PCK2: variants seen among roughly 807,000 people sequenced by gnomAD.
PCK2 encodes phosphoenolpyruvate carboxykinase 2, mitochondrial, also known as phosphoenolpyruvate carboxykinase [GTP], mitochondrial.
In PCK2, 56 loss-of-function variants were observed where a neutral mutation model predicts 65.9. The ratio of observed to expected loss-of-function variants is 0.85; its 90% CI spans 0.69 to 1.06. The LOEUF (loss-of-function observed/expected upper bound fraction) is 1.06, where lower values mean the gene tolerates loss of function less well. Ranked by LOEUF, PCK2 falls within the 50% of genes least tolerant of loss-of-function variation. PCK2 has a pLI of 0.00. For missense variants in PCK2, 843 were observed against 863.1 expected, an observed-to-expected ratio of 0.98 and a Z score of 0.29; for synonymous variants, 305 against 319.6, an observed-to-expected ratio of 0.95 and a Z score of 0.49.
In PCK2 at chr14:24,099,037, C is replaced by T; in HGVS notation, c.665-12C>T. 6.3e-7 allele frequency: 1 copy of T among 1,591,322 alleles called. No individual in the cohort carries two copies. The highest frequency in any genetic ancestry group is 8.6e-7 in the Non-Finnish European group (1 of 1,163,382). ...GCTGCTGCCAGCAGCCCCATGACCC[C>T]ATTGTCCCCAGGGGAGCCAGTGAGC... On this transcript the variant is annotated splice_polypyrimidine_tract_variant and intron_variant, in intron 4 of 9. Coordinates refer to ENST00000216780, the MANE Select transcript of PCK2 (RefSeq NM_004563.4).
chr14:24,096,832 C>G, intron 1 of PCK2, 60 bp from the exon 2 acceptor site: 1 of 1,504,132 alleles, frequency 6.6e-7, no homozygotes, highest in Non-Finnish European at 9.1e-7. Context: ...GTCTCTCCAC[C>G]ACCTGCCTTG....
chr14:24,095,259 G>A (rs1481635157), intron 1 of PCK2: 5 of 455,286 alleles, frequency 1.1e-5, no homozygotes, highest in Non-Finnish European at 1.8e-5. Flanking sequence ...AAGAGGGTGT[G>A]GGGGCTTCAC....
chr14:24,096,808 A>C (rs2036904984), intron 1 of PCK2, 84 bp from the exon 2 acceptor site: 1 of 1,235,748 alleles, frequency 8.1e-7, no homozygotes, highest in Non-Finnish European at 1.2e-6. Flanking sequence ...AGCAGGCTGC[A>C]GCCCAAGCTT....
chr14:24,103,570 A>T lies in PCK2; in HGVS notation c.1529A>T (p.His510Leu). 6.3e-7 allele frequency: 1 copy of T among 1,586,206 alleles called. No individual in the cohort carries two copies. Among genetic ancestry groups the T allele is most frequent in the Admixed American group, 1.8e-5 (1 of 56,874 alleles). ...CCCTTTTTTGGCTACAACTTCGGGC[A>T]CTACCTGGAACACTGGCTGAGCATG... ...MRPFFGYNFG[H>L]YLEHWLSMEG... is the part of the protein sequence containing the mutation. Residue 510 changes from histidine (H) to leucine (L), a missense_variant, in exon 10 of 10, where the codon CAC becomes CTC. Coordinates refer to ENST00000216780, the MANE Select transcript of PCK2 (RefSeq NM_004563.4).
chr14:24,095,579 T>C (rs889710699), intron 1 of PCK2, among the ~76,000 whole-genome samples: 2 of 151,472 alleles, frequency 1.3e-5, no homozygotes, highest in African/African-American at 4.9e-5. Flanking sequence ...ACACCAAAGC[T>C]CTCTAGGCAT....
In PCK2 at chr14:24,103,814, C is replaced by A. The variant is rs367870843; in HGVS notation, c.1773C>A (p.Asp591Glu). ...ALDLSGLRAI[D>E]TTQLFSLPKD... The stretch of plus-strand genomic sequence containing the variant: ...ATCTCAGCGGCCTCAGAGCTATAGA[C>A]ACCACTCAGCTGTTCTCCCTCCCCA... The change falls in exon 10 of 10, where the codon GAC becomes GAA. Residue 591 changes from aspartate to glutamate, a missense_variant. Physicochemically the swap from Asp to Glu is conservative, Grantham distance 45 (BLOSUM62 2). Coordinates refer to ENST00000216780, the MANE Select transcript of PCK2 (RefSeq NM_004563.4). The A allele has an allele frequency of 6.2e-7, 1 of 1,614,026 alleles. No individual in the cohort carries two copies. The highest frequency in any genetic ancestry group is 8.5e-7 in the Non-Finnish European group (1 of 1,180,034).
In PCK2 at chr14:24,097,108, C is replaced by T. The variant is rs773350726; in HGVS notation, c.246C>T (p.Leu82=). ...TGACCCTGCTGGAGCAGCAGGGCCT[C>T]ATCCGAAAGCTCCCCAAGTACAATA... ...ATLTLLEQQG[L]IRKLPKYNNC... The change falls in exon 2 of 10, where the codon CTC becomes CTT. Residue 82 remains leucine (L), a synonymous_variant. Transcript: ENST00000216780. The T allele has an allele frequency of 1.2e-6, 2 of 1,613,896 alleles. No homozygotes were observed. The highest frequency in any genetic ancestry group is 1.7e-6 in the Non-Finnish European group (2 of 1,179,884).
Position 24,100,267 on chromosome 14 carries a change from G to A in PCK2, c.1234+54G>A, listed in dbSNP as rs199562600. ...GCCTCCAGGCCTCAGCACCTTAATG[G>A]TGGAAAAGCTTTCTCCACAACCTCC... On this transcript the variant is annotated intron_variant, in intron 7 of 9. Coordinates refer to ENST00000216780, the MANE Select transcript of PCK2 (RefSeq NM_004563.4). 9.9e-4 allele frequency: 1,571 copies of A among 1,594,648 alleles called. 21 individuals are homozygous for A. The highest frequency in any genetic ancestry group is 2.7e-3 in the Middle Eastern group (16 of 5,954).
In PCK2 at chr14:24,094,744, C is replaced by T; in HGVS notation, c.29+310C>T. 6.8e-7 allele frequency: 1 copy of T among 1,473,870 alleles called. No individual in the cohort carries two copies. The highest frequency in any genetic ancestry group is 1.2e-5 in the South Asian group (1 of 82,620). 91.3% of individuals were successfully genotyped at this position (1,473,870 alleles called of 1,614,324 possible). On this transcript the variant is annotated intron_variant, in intron 1 of 9. Transcript: ENST00000216780. The surrounding 1 kb of genome is among the most constrained non-coding windows in gnomAD (Gnocchi z 4.1). The stretch of plus-strand genomic sequence containing the variant: ...TCCTCTCTGCTGAGCCAGGTCTCCG[C>T]ATATCCTCCTTTCCTTCCCAGATAC...
Position 24,102,837 on chromosome 14 carries a change from C to A in PCK2, c.1319C>A (p.Ala440Asp). The change falls in exon 8 of 10, where the codon GCC becomes GAC. Residue 440 changes from alanine (A) to aspartate (D), a missense_variant. Transcript: ENST00000216780. ...CCCATCATGGACCCAGCCTGGGAGG[C>A]CCCAGAGGGTGTCCCCATTGACGCC... ...QCPIMDPAWE[A>D]PEGVPIDAII... 4 of 1,613,950 alleles carry A rather than the reference C, an allele frequency of 2.5e-6. No homozygotes were observed. The highest frequency in any genetic ancestry group is 3.4e-6 in the Non-Finnish European group (4 of 1,179,832).
rs2037000922 is a variant in PCK2 at position 24,098,468 on chromosome 14, T to C, written c.461-7T>C. 6.2e-7 allele frequency: 1 copy of C among 1,613,800 alleles called. No individual in the cohort carries two copies. The highest frequency in any genetic ancestry group is 1.3e-5 in the African/African-American group (1 of 74,916). ...ACCCTTCATCCAGGGGATGCCTTCCTCCACAGGCCGCACCATGTATGTGCT... is the reference window on the plus strand; with the variant it reads ...ACCCTTCATCCAGGGGATGCCTTCCCCCACAGGCCGCACCATGTATGTGCT... On this transcript the variant is annotated splice_region_variant and splice_polypyrimidine_tract_variant and intron_variant, in intron 3 of 9. Coordinates refer to ENST00000216780, the MANE Select transcript of PCK2 (RefSeq NM_004563.4).
At chr14:24,094,272 G>T, upstream of PCK2, 1 of 837,558 alleles carries the variant, frequency 1.2e-6, no homozygotes, top group Non-Finnish European at 1.9e-6. The surrounding 1 kb of genome is among the most constrained non-coding windows in gnomAD (Gnocchi z 4.1). Flanking sequence ...CCCCGCGCCT[G>T]CCCCCCTCCT....
chr14:24,099,694 T>C lies in PCK2; in HGVS notation c.989T>C (p.Ile330Thr). The C allele has an allele frequency of 1.2e-6, 2 of 1,614,066 alleles. No individual in the cohort carries two copies. The highest frequency in any genetic ancestry group is 1.6e-4 in the Middle Eastern group (1 of 6,062). Residue 330 changes from isoleucine to threonine, a missense_variant, in exon 6 of 10, where the codon ATT (isoleucine) becomes ACT (threonine). Physicochemically the swap from Ile to Thr is moderately conservative, Grantham distance 89 (BLOSUM62 -1). Transcript: ENST00000216780. ...AAAGTGGAGTGTGTGGGGGATGATA[T>C]TGCTTGGATGAGGTTTGACAGTGAA... ...GWKVECVGDD[I>T]AWMRFDSEGR...
Position 24,099,771 on chromosome 14 carries a change from G to A in PCK2, c.1015+51G>A, listed in dbSNP as rs543111829. The A allele has an allele frequency of 6.6e-5, 103 of 1,557,702 alleles. No homozygotes were observed. In the African/African-American group the frequency reaches 1.1e-3, roughly 16 times the overall value. On this transcript the variant is annotated intron_variant, in intron 6 of 9. Transcript: ENST00000216780. The stretch of plus-strand genomic sequence containing the variant: ...TGGTTCTGGCTCTTGTCAGAGCCTC[G>A]GGGTCTCCTCTCTAGTGTTCACAAT...
At position 24,102,764 on chromosome 14, in the gene PCK2, C is replaced by A. The variant is rs746074433; in HGVS notation, c.1246C>A (p.Pro416Thr). 3 of 1,613,470 alleles carry A rather than the reference C, an allele frequency of 1.9e-6. No individual in the cohort carries two copies. The African/African-American group carries it at 4.0e-5, about 22-fold the overall frequency. ...ATTTCCTCTGCCAGGTGACAAGGAG[C>A]CCTGTGCACATCCCAACTCTCGATT... ...GKPWKPGDKE[P>T]CAHPNSRFCA... The change falls in exon 8 of 10, where the codon CCC (proline) becomes ACC (threonine). Residue 416 changes from proline (P) to threonine (T), a missense_variant. Coordinates refer to ENST00000216780, the MANE Select transcript of PCK2 (RefSeq NM_004563.4).
intron 2 of PCK2, among the ~76,000 whole-genome samples, chr14:24,097,367 A>G (rs2036933552): frequency 6.7e-6 from 1 of 150,212 alleles, no homozygotes; most frequent in Non-Finnish European, 1.5e-5. Flanking sequence ...CCTGACCAAC[A>G]TGGAGAAACC....
At chr14:24,100,593 AAAGG>A in intron 7 of PCK2, 1 of 1,084,540 alleles carries the variant, frequency 9.2e-7, no homozygotes, top group Non-Finnish European at 1.1e-6. Flanking sequence ...AATGAAAGGA[AAAGG>A]AAGGACTTTT....
rs139687683 is a variant in PCK2 at position 24,102,768 on chromosome 14, G to A, written c.1250G>A (p.Cys417Tyr). 55 of 1,613,800 alleles carry A rather than the reference G, an allele frequency of 3.4e-5. No individual in the cohort carries two copies. Among genetic ancestry groups the A allele is most frequent in the Non-Finnish European group, 4.4e-5 (52 of 1,179,896 alleles). ...KPWKPGDKEP[C>Y]AHPNSRFCAP... is the part of the protein sequence containing the mutation. ...CCTCTGCCAGGTGACAAGGAGCCCTGTGCACATCCCAACTCTCGATTTTGT... is the reference window on the plus strand; with the variant it reads ...CCTCTGCCAGGTGACAAGGAGCCCTATGCACATCCCAACTCTCGATTTTGT... Residue 417 changes from cysteine to tyrosine, a missense_variant, in exon 8 of 10, where the codon TGT (cysteine) becomes TAT (tyrosine). Physicochemically the swap from Cys to Tyr is radical, Grantham distance 194. Transcript: ENST00000216780.
In PCK2 at chr14:24,099,229, A is replaced by G. The variant is rs1299046192; in HGVS notation, c.845A>G (p.His282Arg). The G allele has an allele frequency of 1.3e-6, 2 of 1,593,578 alleles. No homozygotes were observed. Among genetic ancestry groups the G allele is most frequent in the Non-Finnish European group, 1.7e-6 (2 of 1,173,142 alleles). ...CGGGATGAGGGCTGGCTGGCAGAGC[A>G]CATGCTGGTGAGGGCCTGGTGAGAA... Reference protein sequence around the residue: ...LARDEGWLAEHMLILGITSPA... With the variant: ...LARDEGWLAERMLILGITSPA... The change falls in exon 5 of 10, where the codon CAC (histidine) becomes CGC (arginine). Residue 282 changes from histidine to arginine, a missense_variant. His to Arg is a conservative substitution (Grantham distance 29). Coordinates refer to ENST00000216780, the MANE Select transcript of PCK2 (RefSeq NM_004563.4).
Sources: gnomAD v4.1 joint callset for allele counts (sites outside exome capture counted in the v4.1 genomes callset) on GRCh38, gnomAD v4.1.1 for gene constraint, Gnocchi (gnomAD v3.1) non-coding constraint, MANE v1.5 for transcripts, NCBI Gene and HGNC (gene_info 2026-07-23, HGNC 2026-07-21) for gene names.